ME3: variants seen among roughly 807,000 people sequenced by gnomAD.
The protein encoded by ME3 is NADP-dependent malic enzyme, mitochondrial.
ME3 carries 48 observed loss-of-function variants against 68.9 expected under a neutral mutation model. That is an observed-to-expected ratio of 0.70 (90% confidence interval 0.55 to 0.89). The LOEUF is 0.89. ME3 is among the 40% of genes least tolerant of loss of function. The pLI, the probability that ME3 is intolerant of heterozygous loss-of-function variation, is 0.00. For synonymous variants in ME3, 320 were observed against 318.8 expected, an observed-to-expected ratio of 1.00 and a Z score of -0.04; for missense variants, 675 against 797.4, an observed-to-expected ratio of 0.85 and a Z score of 1.85.
chr11:86,486,544 C>T (rs1457337118), intron 7 of ME3, among the ~76,000 whole-genome samples: 3 of 152,232 alleles, frequency 2.0e-5, no homozygotes, highest in African/African-American at 7.2e-5. Context: ...GAGCACTTTG[C>T]CAAGGATGGG....
downstream of ME3, among the ~76,000 whole-genome samples, chr11:86,438,412 A>G (rs1430125170): frequency 6.6e-6 from 1 of 152,048 alleles, no homozygotes; most frequent in African/African-American, 2.4e-5. Flanking sequence ...TTTTTCATCT[A>G]TATTCATGAA....
intron 6 of ME3, among the ~76,000 whole-genome samples, chr11:86,489,596 G>A (rs1951878281): frequency 1.3e-5 from 2 of 152,138 alleles, no homozygotes; most frequent in Non-Finnish European, 2.9e-5. Context: ...ACTCTCCCTG[G>A]ATTGCTTAAT....
chr11:86,642,083 A>G (rs1344223796), intron 2 of ME3, among the ~76,000 whole-genome samples: 1 of 152,252 alleles, frequency 6.6e-6, no homozygotes, highest in African/African-American at 2.4e-5. Flanking sequence ...CACTTAGCCC[A>G]TAGAGGGCCA....
intron 2 of ME3, among the ~76,000 whole-genome samples, chr11:86,582,813 G>C (rs1432529023): frequency 2.0e-5 from 3 of 151,092 alleles, no homozygotes; most frequent in Admixed American, 6.6e-5. Context: ...TTTATAACTA[G>C]AGAAAATCAG....
intron 7 of ME3, among the ~76,000 whole-genome samples, chr11:86,472,065 A>G (rs1950812620): frequency 6.6e-6 from 1 of 152,116 alleles, no homozygotes; most frequent in Non-Finnish European, 1.5e-5. Flanking sequence ...TTGAAGGAAG[A>G]GCAGAGGTTC....
intron 2 of ME3, among the ~76,000 whole-genome samples, chr11:86,583,535 G>A (rs935671232): frequency 8.5e-5 from 13 of 152,136 alleles, no homozygotes; most frequent in Non-Finnish European, 1.8e-4. Context: ...AGTAAAGACA[G>A]CTATTAAATA....
chr11:86,512,037 G>A (rs974888370), intron 4 of ME3, among the ~76,000 whole-genome samples: 1 of 152,048 alleles, frequency 6.6e-6, no homozygotes, highest in African/African-American at 2.4e-5. Flanking sequence ...AAAATCCCTA[G>A]CCTCTGAGTT....
At chr11:86,544,322 G>A (rs1460609838) in intron 4 of ME3, among the ~76,000 whole-genome samples, 2 of 151,894 alleles carry the variant, frequency 1.3e-5, no homozygotes, top group Non-Finnish European at 2.9e-5. Context: ...AACTGAAGGA[G>A]ATAGAGACAC....
At chr11:86,489,586 ACT>A (rs1273835448) in intron 6 of ME3, among the ~76,000 whole-genome samples, 1 of 151,584 alleles carries the variant, frequency 6.6e-6, no homozygotes, top group East Asian at 1.9e-4. Flanking sequence ...CAGCCGCCAC[ACT>A]CTCCCTGGAT....
At chr11:86,530,121 A>G (rs1294286031) in intron 4 of ME3, among the ~76,000 whole-genome samples, 2 of 152,218 alleles carry the variant, frequency 1.3e-5, no homozygotes, top group Non-Finnish European at 2.9e-5. Context: ...TCAGCCCAAA[A>G]TCTCCTTAAG....
intron 2 of ME3, among the ~76,000 whole-genome samples, chr11:86,656,693 A>T (rs1242353834): frequency 6.6e-6 from 1 of 152,156 alleles, no homozygotes; most frequent in Non-Finnish European, 1.5e-5. Flanking sequence ...GCACATGTAT[A>T]CATATGTAAC....
At chr11:86,657,199 C>G (rs1364873373) in intron 2 of ME3, among the ~76,000 whole-genome samples, 1 of 152,102 alleles carries the variant, frequency 6.6e-6, no homozygotes, top group Non-Finnish European at 1.5e-5. Flanking sequence ...TTCACAATAG[C>G]AAAGACTTGG....
chr11:86,590,342 G>A (rs567968085), intron 2 of ME3, among the ~76,000 whole-genome samples: 1 of 152,342 alleles, frequency 6.6e-6, no homozygotes, highest in East Asian at 1.9e-4. Flanking sequence ...ATCCCAGTGA[G>A]AAAGCAAGGT....
At chr11:86,558,956 T>C (rs186901416) in intron 3 of ME3, among the ~76,000 whole-genome samples, 50 of 152,328 alleles carry the variant, frequency 3.3e-4, no homozygotes, top group African/African-American at 1.2e-3. Context: ...TTGTAGCCAC[T>C]GGTCCCTGCT....
intron 8 of ME3, among the ~76,000 whole-genome samples, chr11:86,455,825 G>T (rs1949885214): frequency 1.3e-5 from 2 of 152,100 alleles, no homozygotes; most frequent in Non-Finnish European, 2.9e-5. Flanking sequence ...GCACTGTACT[G>T]CATTCAAAAG....
At chr11:86,457,780 A>C in intron 8 of ME3, 5 of 1,262,888 alleles carry the variant, frequency 4.0e-6, no homozygotes, top group Non-Finnish European at 5.2e-6. Context: ...TAAAAGAAAA[A>C]GAAGTTTTTT....
intron 2 of ME3, among the ~76,000 whole-genome samples, chr11:86,666,350 G>C (rs2135514124): frequency 6.6e-6 from 1 of 152,250 alleles, no homozygotes; most frequent in African/African-American, 2.4e-5. Context: ...AATGCATACT[G>C]GATGGCAGAG....
intron 13 of ME3, among the ~76,000 whole-genome samples, chr11:86,443,606 G>C (rs951975685): frequency 6.6e-6 from 1 of 152,228 alleles, no homozygotes; most frequent in African/African-American, 2.4e-5. Flanking sequence ...TGGTGGTTCT[G>C]AATCTACTCC....
At chr11:86,487,499 T>A (rs908573425) in intron 6 of ME3, 59 bp from the exon 7 acceptor site, 7 of 1,347,696 alleles carry the variant, frequency 5.2e-6, no homozygotes, top group African/African-American at 1.5e-5. Flanking sequence ...TTTTTTTTTT[T>A]CCAACAAGTA....
Sources: allele counts gnomAD v4.1 joint callset (sites outside exome capture counted in the v4.1 genomes callset), GRCh38; gene constraint gnomAD v4.1.1; transcripts MANE v1.5; gene names NCBI Gene and HGNC (gene_info 2026-07-23, HGNC 2026-07-21).